Variants in HPSE2 observed in about 807,000 individuals in gnomAD.
HPSE2 encodes heparanase 2 (inactive), also known as inactive heparanase-2.
A neutral mutation model predicts 60.5 loss-of-function variants in HPSE2; 38 were observed. That is an observed-to-expected ratio of 0.63 (90% confidence interval 0.48 to 0.82). The LOEUF (loss-of-function observed/expected upper bound fraction) is 0.82, where lower values mean the gene tolerates loss of function less well. HPSE2 is among the 40% of genes least tolerant of loss of function. The probability of loss-of-function intolerance (pLI) is 0.00; values close to 1 mark genes in which losing one functional copy is unlikely to be tolerated. For synonymous variants in HPSE2, 295 were observed against 293.2 expected (o/e 1.01, Z -0.06); for missense variants, 713 against 740.4 (o/e 0.96, Z 0.43).
chr10:98,721,084 A>G (rs1290654350), intron 5 of HPSE2, among the ~76,000 whole-genome samples: 1 of 152,088 alleles, frequency 6.6e-6, no homozygotes, highest in Admixed American at 6.6e-5. Context: ...TTTCTGACAC[A>G]TAAAAGAAAA....
intron 3 of HPSE2, among the ~76,000 whole-genome samples, chr10:98,782,584 G>A (rs1156975946): frequency 8.8e-6 from 1 of 113,296 alleles, no homozygotes; most frequent in Non-Finnish European, 1.8e-5. Flanking sequence ...CTGTGTTAGA[G>A]AAGAAATGAA....
the HPSE2 span, among the ~76,000 whole-genome samples, chr10:99,255,284 C>G: frequency 6.6e-6 from 1 of 152,068 alleles, no homozygotes; most frequent in Non-Finnish European, 1.5e-5. Context: ...TGAATTCTAA[C>G]AAACATTTAA....
intron 3 of HPSE2, among the ~76,000 whole-genome samples, chr10:98,889,736 G>T (rs1237265683): frequency 6.6e-6 from 1 of 152,124 alleles, no homozygotes; most frequent in Admixed American, 6.6e-5. Flanking sequence ...TCAATAAGAT[G>T]ATATTCCAGG....
At chr10:99,093,045 T>C (rs1384003976) in intron 3 of HPSE2, among the ~76,000 whole-genome samples, 4 of 152,090 alleles carry the variant, frequency 2.6e-5, no homozygotes, top group Non-Finnish European at 4.4e-5. Context: ...CTGGCCAACA[T>C]AGTGAAACCG....
At chr10:98,604,849 C>T (rs1182401379) in intron 9 of HPSE2, among the ~76,000 whole-genome samples, 1 of 152,182 alleles carries the variant, frequency 6.6e-6, no homozygotes, top group Non-Finnish European at 1.5e-5. Context: ...TCAACCTCTA[C>T]ATTAGAGACA....
chr10:98,928,743 A>C (rs1444841634), intron 3 of HPSE2, among the ~76,000 whole-genome samples: 1 of 134,868 alleles, frequency 7.4e-6, no homozygotes, highest in Non-Finnish European at 1.5e-5. Context: ...CAAGAACAAA[A>C]AACCAAACAC....
intron 3 of HPSE2, among the ~76,000 whole-genome samples, chr10:98,955,421 C>A (rs1162308773): frequency 6.6e-6 from 1 of 152,014 alleles, no homozygotes; most frequent in Non-Finnish European, 1.5e-5. Flanking sequence ...CCATTGCATG[C>A]CAGTCAGAAT....
intron 9 of HPSE2, among the ~76,000 whole-genome samples, chr10:98,596,596 C>A (rs1010491108): frequency 6.6e-6 from 1 of 151,978 alleles, no homozygotes; most frequent in Non-Finnish European, 1.5e-5. Flanking sequence ...TTCTGAAGTG[C>A]AACTTTCCTG....
At chr10:98,995,407 A>G (rs1191347002) in intron 3 of HPSE2, among the ~76,000 whole-genome samples, 1 of 152,160 alleles carries the variant, frequency 6.6e-6, no homozygotes, top group Non-Finnish European at 1.5e-5. Context: ...ACCAATTACT[A>G]TTTTTATTAT....
chr10:99,162,018 G>A (rs1846864259), intron 2 of HPSE2, among the ~76,000 whole-genome samples: 1 of 152,190 alleles, frequency 6.6e-6, no homozygotes, highest in Non-Finnish European at 1.5e-5. Flanking sequence ...GGTTGACAGA[G>A]GCTGAGGAGA....
At chr10:98,827,095 G>A (rs1404913421) in intron 3 of HPSE2, among the ~76,000 whole-genome samples, 3 of 152,030 alleles carry the variant, frequency 2.0e-5, no homozygotes, top group Non-Finnish European at 2.9e-5. Context: ...AGGCTGCAAT[G>A]AGCTAGGATT....
chr10:98,816,113 G>T (rs1042384759), intron 3 of HPSE2, among the ~76,000 whole-genome samples: 2 of 151,266 alleles, frequency 1.3e-5, no homozygotes, highest in African/African-American at 4.9e-5. Flanking sequence ...CACCAACATG[G>T]CACACGTATA....
chr10:98,612,275 A>T (rs1945783398), intron 9 of HPSE2, among the ~76,000 whole-genome samples: 1 of 152,218 alleles, frequency 6.6e-6, no homozygotes, highest in South Asian at 2.1e-4. Flanking sequence ...TCCAGTGAAA[A>T]GAAAACACAA....
intron 11 of HPSE2, among the ~76,000 whole-genome samples, chr10:98,460,728 T>C (rs945931666): frequency 3.3e-5 from 5 of 152,258 alleles, no homozygotes; most frequent in Non-Finnish European, 5.9e-5. Flanking sequence ...ATCTTGCTTT[T>C]ATCCTTTCTG....
chr10:99,005,740 C>T (rs1039500859), intron 3 of HPSE2, among the ~76,000 whole-genome samples: 1 of 152,100 alleles, frequency 6.6e-6, no homozygotes, highest in African/African-American at 2.4e-5. Context: ...TTCCTCTTAT[C>T]TTACATTGAA....
At chr10:98,982,458 G>A (rs1006683071) in intron 3 of HPSE2, among the ~76,000 whole-genome samples, 19 of 151,966 alleles carry the variant, frequency 1.3e-4, no homozygotes, top group South Asian at 2.1e-4. Flanking sequence ...TTCCTATCTC[G>A]CTCAGTTTTT....
At chr10:98,843,608 C>T (rs1951969302) in intron 3 of HPSE2, among the ~76,000 whole-genome samples, 1 of 152,172 alleles carries the variant, frequency 6.6e-6, no homozygotes. Context: ...TTCAAATTCC[C>T]TAACCTACTT....
intron 3 of HPSE2, among the ~76,000 whole-genome samples, chr10:98,967,299 T>C (rs1477269710): frequency 1.3e-5 from 2 of 152,254 alleles, no homozygotes; most frequent in Admixed American, 6.5e-5. Context: ...TTTATGATAC[T>C]GTAGAATGCT....
chr10:98,877,737 C>T (rs1352355237), intron 3 of HPSE2, among the ~76,000 whole-genome samples: 1 of 151,610 alleles, frequency 6.6e-6, no homozygotes, highest in Admixed American at 6.6e-5. Context: ...ACTAACATAC[C>T]AATTTTTTGT....
Sources: gnomAD v4.1 joint callset for allele counts (sites outside exome capture counted in the v4.1 genomes callset) on GRCh38, gnomAD v4.1.1 for gene constraint, MANE v1.5 for transcripts, NCBI Gene and HGNC (gene_info 2026-07-23, HGNC 2026-07-21) for gene names.